The following STXBP5 variants were observed in gnomAD, a reference collection of about 807,000 sequenced individuals.
The protein encoded by STXBP5 is syntaxin-binding protein 5.
In STXBP5, 50 loss-of-function variants were observed where a neutral mutation model predicts 152.4. The observed-to-expected ratio is 0.33, with a 90% CI of 0.26 to 0.42. The LOEUF (loss-of-function observed/expected upper bound fraction) is 0.42, where lower values mean the gene tolerates loss of function less well. Among genes scored for constraint, STXBP5 ranks in the 10% least tolerant of loss-of-function variants. The probability of loss-of-function intolerance (pLI) is 1.00; values close to 1 mark genes in which losing one functional copy is unlikely to be tolerated. For synonymous variants in STXBP5, 492 were observed against 494.7 expected (o/e 0.99, Z 0.07); for missense variants, 1,167 against 1,388.6 (o/e 0.84, Z 2.54).
intron 9 of STXBP5, among the ~76,000 whole-genome samples, chr6:147,308,090 T>C (rs1472204084): frequency 6.6e-6 from 1 of 152,222 alleles, no homozygotes; most frequent in African/African-American, 2.4e-5. Context: ...CTGGCTCAAG[T>C]CTTCCATTCT....
intron 10 of STXBP5, 30 bp from the exon 11 acceptor site, chr6:147,311,425 A>G (rs1382313219): frequency 6.3e-7 from 1 of 1,592,110 alleles, no homozygotes; most frequent in Admixed American, 1.7e-5. Flanking sequence ...GCATTTTTGA[A>G]ACTATAATTC....
chr6:147,384,678 T>C, intron 27 of STXBP5, 36 bp from the exon 28 acceptor site: 1 of 1,592,308 alleles, frequency 6.3e-7, no homozygotes, highest in Non-Finnish European at 8.6e-7. Context: ...GTTCCGGCAT[T>C]TTAAAAGCAT....
intron 9 of STXBP5, among the ~76,000 whole-genome samples, chr6:147,308,953 C>A (rs945421692): frequency 6.6e-5 from 10 of 152,176 alleles, no homozygotes; most frequent in Admixed American, 2.0e-4. Context: ...AGGCACTGTC[C>A]AGTTTAAGAA....
intron 21 of STXBP5, among the ~76,000 whole-genome samples, chr6:147,343,345 T>G (rs1784174748): frequency 6.6e-6 from 1 of 152,178 alleles, no homozygotes; most frequent in African/African-American, 2.4e-5. Context: ...TTTTATTAGT[T>G]CTCTTACACA....
intron 25 of STXBP5, among the ~76,000 whole-genome samples, chr6:147,371,449 CT>C (rs2128417957): frequency 6.6e-6 from 1 of 152,158 alleles, no homozygotes; most frequent in South Asian, 2.1e-4. Context: ...GATTTTTCTA[CT>C]TCTGTACATA....
chr6:147,352,536 G>T (rs1368547783), intron 21 of STXBP5, among the ~76,000 whole-genome samples: 1 of 151,192 alleles, frequency 6.6e-6, no homozygotes, highest in Non-Finnish European at 1.5e-5. Flanking sequence ...CCTTGACCCT[G>T]AGAGGCGGAG....
chr6:147,215,440 G>A (rs115701813), intron 2 of STXBP5, among the ~76,000 whole-genome samples: 4,325 of 152,196 alleles, frequency 0.028, 158 homozygotes, highest in East Asian at 0.15. Flanking sequence ...GAGTATAGTG[G>A]TGCTATCTCG....
chr6:147,354,710 C>T (rs996241345), intron 22 of STXBP5, among the ~76,000 whole-genome samples: 2 of 152,132 alleles, frequency 1.3e-5, no homozygotes, highest in Non-Finnish European at 2.9e-5. Context: ...AAGGCATACT[C>T]ACATTTACAA....
intron 9 of STXBP5, among the ~76,000 whole-genome samples, chr6:147,295,896 T>C (rs1228209187): frequency 6.6e-6 from 1 of 152,180 alleles, no homozygotes; most frequent in East Asian, 1.9e-4. Flanking sequence ...GCTTGAGTGC[T>C]CTGCTCAGGG....
intron 9 of STXBP5, chr6:147,292,668 A>G (rs915378029): frequency 7.2e-5 from 11 of 153,064 alleles, no homozygotes; most frequent in African/African-American, 2.6e-4. Context: ...TATGATTATA[A>G]TACAAAATGA....
chr6:147,248,906 C>T (rs1233616600), intron 4 of STXBP5, among the ~76,000 whole-genome samples: 8 of 152,008 alleles, frequency 5.3e-5, no homozygotes, highest in Admixed American at 4.6e-4. Context: ...GAGAAGGATC[C>T]AGTGGACAGG....
intron 4 of STXBP5, among the ~76,000 whole-genome samples, chr6:147,252,642 A>G (rs982769386): frequency 6.6e-6 from 1 of 152,178 alleles, no homozygotes; most frequent in African/African-American, 2.4e-5. Flanking sequence ...ACCAAGTGGA[A>G]AAACACTCTT....
intron 2 of STXBP5, among the ~76,000 whole-genome samples, chr6:147,234,237 A>G (rs1246643925): frequency 6.6e-6 from 1 of 151,900 alleles, no homozygotes; most frequent in Non-Finnish European, 1.5e-5. Flanking sequence ...TTAGGGTAAT[A>G]GTTAATAACT....
chr6:147,223,236 A>T (rs1008218428), intron 2 of STXBP5, among the ~76,000 whole-genome samples: 3 of 152,210 alleles, frequency 2.0e-5, no homozygotes, highest in African/African-American at 7.2e-5. Context: ...AGGTGCAACT[A>T]TGGAATGGGG....
chr6:147,217,371 C>G (rs1777224367), intron 2 of STXBP5, among the ~76,000 whole-genome samples: 1 of 152,148 alleles, frequency 6.6e-6, no homozygotes. Flanking sequence ...GGATAAAAAG[C>G]TGTTTTTACT....
chr6:147,369,805 G>A (rs980239522), intron 25 of STXBP5, among the ~76,000 whole-genome samples: 6 of 151,922 alleles, frequency 3.9e-5, no homozygotes, highest in African/African-American at 1.2e-4. Context: ...GGATATAGAC[G>A]AACTACAACT....
intron 21 of STXBP5, among the ~76,000 whole-genome samples, chr6:147,344,351 A>G (rs973210114): frequency 4.6e-5 from 7 of 152,214 alleles, no homozygotes; most frequent in Non-Finnish European, 1.0e-4. Flanking sequence ...TGAGTTAGTC[A>G]CATTACTGAA....
At chr6:147,208,828 A>C (rs1776704197) in intron 2 of STXBP5, among the ~76,000 whole-genome samples, 1 of 152,144 alleles carries the variant, frequency 6.6e-6, no homozygotes, top group African/African-American at 2.4e-5. Context: ...TATATCTGAT[A>C]GCTAATGTTT....
chr6:147,361,165 T>C (rs753316815), intron 23 of STXBP5, among the ~76,000 whole-genome samples: 1 of 152,078 alleles, frequency 6.6e-6, no homozygotes, highest in Non-Finnish European at 1.5e-5. Flanking sequence ...CACTGGTAAG[T>C]AGGATTTGGG....
Sources: gnomAD v4.1 joint callset for allele counts (sites outside exome capture counted in the v4.1 genomes callset) on GRCh38, gnomAD v4.1.1 for gene constraint, MANE v1.5 for transcripts, NCBI Gene and HGNC (gene_info 2026-07-23, HGNC 2026-07-21) for gene names.